The following MCTP1 variants were observed in gnomAD, a reference collection of about 807,000 sequenced individuals.
The protein encoded by MCTP1 is multiple C2 and transmembrane domain containing 1, also known as multiple C2 and transmembrane domain-containing protein 1.
Under a neutral mutation model 120.6 loss-of-function variants are expected in MCTP1, and 69 were observed. The observed-to-expected ratio is 0.57, with a 90% CI of 0.47 to 0.70. The LOEUF is 0.70. MCTP1 is among the 30% of genes least tolerant of loss of function. The pLI, the probability that MCTP1 is intolerant of heterozygous loss-of-function variation, is 0.00. For synonymous variants in MCTP1, 529 were observed against 493.1 expected (o/e 1.07, Z -0.96); for missense variants, 1,203 against 1,248.8 (o/e 0.96, Z 0.55).
At chr5:94,972,605 CTCTAGATCTT>C (rs1827150719) in intron 2 of MCTP1, among the ~76,000 whole-genome samples, 1 of 152,118 alleles carries the variant, frequency 6.6e-6, no homozygotes, top group South Asian at 2.1e-4. Flanking sequence ...ATATCATCAG[CTCTAGATCTT>C]TCTGGGGTTC....
chr5:94,930,298 G>T (rs1163848485), intron 6 of MCTP1, among the ~76,000 whole-genome samples: 8 of 109,972 alleles, frequency 7.3e-5, no homozygotes, highest in African/African-American at 2.4e-4. Flanking sequence ...TTTTGAGACA[G>T]AGTCTCACTC....
At chr5:95,051,477 GAACACTC>G (rs1745881183) in intron 1 of MCTP1, among the ~76,000 whole-genome samples, 2 of 152,108 alleles carry the variant, frequency 1.3e-5, no homozygotes, top group Non-Finnish European at 2.9e-5. Context: ...CCTACCAGGG[GAACACTC>G]TGCTGGCATT....
chr5:95,068,683 C>T (rs1166899679), intron 1 of MCTP1: 2 of 617,278 alleles, frequency 3.2e-6, no homozygotes, highest in African/African-American at 2.0e-5. Flanking sequence ...TGTCGGTTTG[C>T]ATTACTATGG....
chr5:95,174,143 C>A (rs1747690717), intron 1 of MCTP1, among the ~76,000 whole-genome samples: 1 of 152,094 alleles, frequency 6.6e-6, no homozygotes, highest in Non-Finnish European at 1.5e-5. Flanking sequence ...AGGGGAGGGG[C>A]ATGATAACTA....
chr5:94,787,186 G>A (rs1777914737), intron 18 of MCTP1, among the ~76,000 whole-genome samples: 1 of 152,166 alleles, frequency 6.6e-6, no homozygotes. Context: ...GTGGAGATTT[G>A]TATTACAATA....
chr5:95,039,164 C>A (rs998983813), intron 1 of MCTP1, among the ~76,000 whole-genome samples: 12 of 152,120 alleles, frequency 7.9e-5, no homozygotes, highest in African/African-American at 2.9e-4. Flanking sequence ...AATATTTAGA[C>A]CTTGCCTTTG....
intron 1 of MCTP1, among the ~76,000 whole-genome samples, chr5:95,195,877 CAATGTGTA>C (rs1750332776): frequency 6.6e-6 from 1 of 152,018 alleles, no homozygotes; most frequent in Non-Finnish European, 1.5e-5. Flanking sequence ...AACATAGTAC[CAATGTGTA>C]AATGTTCTCC....
At chr5:94,731,316 T>C (rs1410590390) in intron 19 of MCTP1, among the ~76,000 whole-genome samples, 1 of 152,196 alleles carries the variant, frequency 6.6e-6, no homozygotes. Context: ...ACCCCGATTC[T>C]AAAGGTTTGT....
rs1817864972 is a variant in MCTP1 at position 94,942,076 on chromosome 5, C to T, written c.1061+272G>A. ...TGAAAGGAAGGAATGTCTCTTTTAT[C>T]TCTCGATTCCTGGTGCTTAGCACAG... On this transcript the variant is annotated intron_variant, in intron 4 of 22. Transcript: ENST00000515393. 2.0e-5 allele frequency among the ~76,000 whole-genome samples: 3 copies of T among 152,036 alleles called. No homozygotes were observed. In the South Asian group the frequency reaches 6.2e-4, roughly 31 times the overall value.
intron 8 of MCTP1, among the ~76,000 whole-genome samples, chr5:94,917,452 T>C (rs1249916828): frequency 6.6e-6 from 1 of 152,214 alleles, no homozygotes; most frequent in Non-Finnish European, 1.5e-5. Context: ...GTTCTCAAAT[T>C]CTAGCAGTCA....
At chr5:94,867,464 A>ATAATTAAGG in intron 17 of MCTP1, 1 of 854,272 alleles carries the variant, frequency 1.2e-6, no homozygotes, top group South Asian at 1.4e-5. Context: ...TTGATTTGTT[A>ATAATTAAGG]CTATAATTAA....
chr5:95,201,961 T>G (rs969222320), intron 1 of MCTP1, among the ~76,000 whole-genome samples: 13 of 152,212 alleles, frequency 8.5e-5, no homozygotes, highest in African/African-American at 3.1e-4. Flanking sequence ...TGATTCACAT[T>G]TCAAACATTT....
chr5:95,266,515 G>A (rs1758897534), intron 1 of MCTP1, among the ~76,000 whole-genome samples: 1 of 152,214 alleles, frequency 6.6e-6, no homozygotes, highest in Non-Finnish European at 1.5e-5. Context: ...ATAGTATAAT[G>A]TTTACTTGGT....
At chr5:94,894,516 T>A in intron 11 of MCTP1, 133 bp downstream of exon 11, 1 of 589,464 alleles carries the variant, frequency 1.7e-6, no homozygotes, top group Non-Finnish European at 2.9e-6. Flanking sequence ...GCATTTGTTT[T>A]CACTCAGCTT....
chr5:95,171,236 GC>G (rs1747241217), intron 1 of MCTP1, among the ~76,000 whole-genome samples: 1 of 152,028 alleles, frequency 6.6e-6, no homozygotes, highest in African/African-American at 2.4e-5. Context: ...TTGAATATTG[GC>G]CCCCACTCTC....
At chr5:94,768,329 C>G (rs1773273031) in intron 19 of MCTP1, among the ~76,000 whole-genome samples, 1 of 152,056 alleles carries the variant, frequency 6.6e-6, no homozygotes, top group African/African-American at 2.4e-5. Context: ...AGAAATACAT[C>G]AGGACATTGG....
At chr5:94,880,849 T>A (rs1454755547) in intron 12 of MCTP1, among the ~76,000 whole-genome samples, 1 of 152,164 alleles carries the variant, frequency 6.6e-6, no homozygotes, top group Non-Finnish European at 1.5e-5. Context: ...TAGCTTTTTA[T>A]CTATTCTATA....
intron 2 of MCTP1, among the ~76,000 whole-genome samples, chr5:94,988,568 A>C (rs1473686619): frequency 6.6e-6 from 1 of 151,186 alleles, no homozygotes; most frequent in Non-Finnish European, 1.5e-5. Context: ...TTTCGAAAAC[A>C]ACTTGGCATT....
intron 19 of MCTP1, among the ~76,000 whole-genome samples, chr5:94,724,295 G>T (rs1761630926): frequency 6.6e-6 from 1 of 152,124 alleles, no homozygotes; most frequent in African/African-American, 2.4e-5. Flanking sequence ...GCCCAGGCTG[G>T]AGTGCAGTGG....
Sources: gnomAD v4.1 joint callset for allele counts (sites outside exome capture counted in the v4.1 genomes callset) on GRCh38, gnomAD v4.1.1 for gene constraint, MANE v1.5 for transcripts, NCBI Gene and HGNC (gene_info 2026-07-23, HGNC 2026-07-21) for gene names.